The following FANCB variants were observed in gnomAD, a reference collection of about 807,000 sequenced individuals.
FANCB encodes Fanconi anemia group B protein.
In FANCB, 5 loss-of-function variants were observed where a neutral mutation model predicts 38.9. The ratio of observed to expected loss-of-function variants is 0.13; its 90% CI spans 0.07 to 0.27. The LOEUF is 0.27. FANCB is among the 10% of genes least tolerant of loss of function. The pLI is 1.00. For missense variants in FANCB, 573 were observed against 602.7 expected (o/e 0.95, Z 0.52); for synonymous variants, 236 against 215.4 (o/e 1.10, Z -0.84).
the FANCB span, among the ~76,000 whole-genome samples, chrX:14,775,161 T>TTTTTG: frequency 3.0e-5 from 1 of 33,159 alleles, no homozygotes; most frequent in Non-Finnish European, 5.2e-5. Context: ...TTCTCTAATG[T>TTTTTG]TTTTTTTTTT....
the FANCB span, among the ~76,000 whole-genome samples, chrX:14,777,739 TC>T: frequency 1.8e-5 from 2 of 112,211 alleles, no homozygotes; most frequent in African/African-American, 6.5e-5. Context: ...GATTGGCACA[TC>T]CTGTCTTACC....
At position 14,856,863 on chromosome X, in the gene FANCB, G is replaced by C. The variant is rs143445033; in HGVS notation, c.1197+999C>G. On this transcript the variant is annotated intron_variant, in intron 5 of 9. Coordinates refer to ENST00000650831, the MANE Select transcript of FANCB (RefSeq NM_001018113.3). ...TGCGAGTAAAAACTTTGATAGATTG[G>C]ATCCTGGAAAAAACAGTTATAAAAA... Among the ~76,000 whole-genome samples the C allele has an allele frequency of 3.1e-3, 347 of 111,708 alleles. 1 individual carries two copies. Among genetic ancestry groups the C allele is most frequent in the African/African-American group, 0.01 (313 of 30,867 alleles).
the FANCB span, among the ~76,000 whole-genome samples, chrX:14,700,269 A>G: frequency 7.2e-5 from 8 of 111,017 alleles, no homozygotes. Flanking sequence ...AGGAGTGTAC[A>G]GAGTGAGAAG....
rs1057515807 is a variant in FANCB, at chrX:14,859,347, G to A, written c.952-13C>T. The A allele has an allele frequency of 3.5e-6, 4 of 1,154,014 alleles. No individual in the cohort carries two copies. In the Middle Eastern group the frequency reaches 7.1e-4, roughly 206 times the overall value. On this transcript the variant is annotated splice_polypyrimidine_tract_variant and intron_variant, in intron 3 of 9. Coordinates refer to ENST00000650831, the MANE Select transcript of FANCB (RefSeq NM_001018113.3). ...ATTTAGCAGCAACCTAAAAGAAAGG[G>A]AGCATTATAGGAGGAGTAGACAAGA...
chrX:14,754,030 T>A, the FANCB span, among the ~76,000 whole-genome samples: 1 of 112,234 alleles, frequency 8.9e-6, no homozygotes, highest in South Asian at 3.7e-4. Flanking sequence ...TCCCCCTCCA[T>A]GACCCAAGCT....
At chrX:14,814,879 A>G in the FANCB span, among the ~76,000 whole-genome samples, 3 of 112,310 alleles carry the variant, frequency 2.7e-5, no homozygotes, top group East Asian at 8.4e-4. Context: ...ACATATGATT[A>G]TTGCGGCACT....
At chrX:14,840,296 ACT>A (rs1284337451), downstream of FANCB, among the ~76,000 whole-genome samples, 2 of 111,475 alleles carry the variant, frequency 1.8e-5, no homozygotes, top group African/African-American at 6.5e-5. Flanking sequence ...TTATAAGGTA[ACT>A]CTCAACTTTT....
At chrX:14,844,334 G>A (rs1418497624) in intron 9 of FANCB, among the ~76,000 whole-genome samples, 169 bp downstream of exon 9, 1 of 111,085 alleles carries the variant, frequency 9.0e-6, no homozygotes, top group Admixed American at 9.6e-5. Context: ...TTAAAACAGA[G>A]ATCTTCAGTT....
At chrX:14,796,693 T>TAC in the FANCB span, among the ~76,000 whole-genome samples, 38,838 of 91,817 alleles carry the variant, frequency 0.42, 7,114 homozygotes, top group Non-Finnish European at 0.51. Context: ...CGTCTATATA[T>TAC]ACACACACAC....
At chrX:14,817,552 G>C in the FANCB span, among the ~76,000 whole-genome samples, 1 of 111,334 alleles carries the variant, frequency 9.0e-6, no homozygotes. Flanking sequence ...TTAAAGGGCA[G>C]ACATTAATTT....
chrX:14,808,790 G>T, the FANCB span, among the ~76,000 whole-genome samples: 2 of 112,314 alleles, frequency 1.8e-5, no homozygotes, highest in South Asian at 3.7e-4. Flanking sequence ...GTTTGCTGAT[G>T]ATATGATCTT....
At chrX:14,794,556 C>T in the FANCB span, among the ~76,000 whole-genome samples, 7 of 112,172 alleles carry the variant, frequency 6.2e-5, 1 homozygote, top group South Asian at 2.6e-3. Context: ...CATTTAATGT[C>T]CATGGCAACT....
Position 14,866,370 on chromosome X carries a change from T to A in FANCB, c.-70-790A>T, listed in dbSNP as rs7884953. On this transcript the variant is annotated intron_variant, in intron 2 of 9. Transcript: ENST00000650831. ...AGGTACAATACATGCATTATTTAAT[T>A]CTAATAACTATTGTCTTAAAATAAG... Among the ~76,000 whole-genome samples, 240 of 112,061 alleles carry A rather than the reference T, an allele frequency of 2.1e-3. 1 individual carries two copies. Among genetic ancestry groups the A allele is most frequent in the African/African-American group, 7.6e-3 (235 of 30,910 alleles).
chrX:14,737,009 T>C, the FANCB span, among the ~76,000 whole-genome samples: 3,853 of 109,377 alleles, frequency 0.035, 142 homozygotes, highest in African/African-American at 0.11. Context: ...ACAAAAAAAT[T>C]AGCTGGGCGT....
the FANCB span, among the ~76,000 whole-genome samples, chrX:14,705,664 A>T: frequency 1.4e-4 from 16 of 111,658 alleles, no homozygotes; most frequent in African/African-American, 5.2e-4. Context: ...AGTCAGAAAA[A>T]CCTTTCATTA....
Position 14,853,111 on chromosome X carries a change from A to C in FANCB, c.1254T>G (p.Ile418Met). ...TTAAAGCTTTGTAAGATTTTGAAAT[A>C]ATTTTTTCCTTAAGCAACAGATGCT... ...LRQHLLLKEK[I>M]ISKSYKALIN... Residue 418 changes from isoleucine to methionine, a missense_variant, in exon 6 of 10, where the codon ATT becomes ATG. By Grantham distance (10) the Ile-to-Met change is conservative (BLOSUM62 1). Transcript: ENST00000650831. 1 of 1,203,733 alleles carries C rather than the reference A, an allele frequency of 8.3e-7. No homozygotes were observed. The highest frequency in any genetic ancestry group is 2.2e-5 in the Admixed American group (1 of 45,902).
chrX:14,713,356 TTG>T, the FANCB span, among the ~76,000 whole-genome samples: 1 of 112,098 alleles, frequency 8.9e-6, no homozygotes, highest in African/African-American at 3.2e-5. Context: ...TCTTAGAATT[TTG>T]TGTGTCTTTT....
chrX:14,845,425 A>G (rs2147391680), intron 7 of FANCB, 139 bp from the exon 8 acceptor site: 3 of 531,584 alleles, frequency 5.6e-6, no homozygotes, highest in East Asian at 7.2e-5. Flanking sequence ...TGTAAAATAT[A>G]TCAAAAAGTT....
chrX:14,809,745 G>T, the FANCB span, among the ~76,000 whole-genome samples: 15 of 112,768 alleles, frequency 1.3e-4, no homozygotes, highest in Non-Finnish European at 2.8e-4. Context: ...CTCCACCTCT[G>T]GGGGCAGGGC....
Sources: gnomAD v4.1 joint callset for allele counts (sites outside exome capture counted in the v4.1 genomes callset) on GRCh38, gnomAD v4.1.1 for gene constraint, MANE v1.5 for transcripts, NCBI Gene and HGNC (gene_info 2026-07-23, HGNC 2026-07-21) for gene names.